The following REELD1 variants were observed in gnomAD, a reference collection of about 807,000 sequenced individuals.
REELD1 encodes reelin domain-containing protein 1.
REELD1 carries 12 observed loss-of-function variants against 6.3 expected under a neutral mutation model. The ratio of observed to expected loss-of-function variants is 1.89; its 90% CI spans 1.21 to 3.07. REELD1 has a LOEUF of 3.07. Among genes scored for constraint, REELD1 ranks in the 30% most tolerant of loss-of-function variants. The pLI is 0.00. For missense variants in REELD1, 163 were observed against 86.8 expected, an observed-to-expected ratio of 1.88 and a Z score of -3.49; for synonymous variants, 57 against 33.6, an observed-to-expected ratio of 1.70 and a Z score of -2.42.
chr4:146,218,759 C>T (rs2110916803), intron 3 of REELD1, among the ~76,000 whole-genome samples: 1 of 152,294 alleles, frequency 6.6e-6, no homozygotes, highest in Non-Finnish European at 1.5e-5. Context: ...GGGCTCCATC[C>T]ACCCTAGAGT....
intron 3 of REELD1, among the ~76,000 whole-genome samples, chr4:146,218,485 A>G (rs1475222150): frequency 6.6e-6 from 1 of 152,192 alleles, no homozygotes; most frequent in Non-Finnish European, 1.5e-5. Flanking sequence ...GATTCTTTTG[A>G]TAGGAACTAA....
chr4:146,224,243 T>C (rs754081652), intron 4 of REELD1, among the ~76,000 whole-genome samples: 1 of 152,248 alleles, frequency 6.6e-6, no homozygotes, highest in African/African-American at 2.4e-5. Context: ...TCTAATTATT[T>C]GCAACTATGG....
At chr4:146,215,531 G>C (rs1340932875) in intron 2 of REELD1, among the ~76,000 whole-genome samples, 1 of 152,062 alleles carries the variant, frequency 6.6e-6, no homozygotes, top group Non-Finnish European at 1.5e-5. Context: ...TGGGAGTGGA[G>C]GACACTTGAT....
rs1731080262 is a variant in REELD1, at chr4:146,229,081, G to A, written c.965G>A (p.Gly322Asp). ...GAAACTTGCCTGTCCTCAGATGGGG[G>A]TGAACAGGTAAGAACCTGAACTGTG... ...SLETCLSSDG[G>D]EQDKTKASNR... is the part of the protein sequence containing the mutation. The change falls in exon 7 of 8, where the codon GGT becomes GAT. Residue 322 changes from glycine to aspartate, a missense_variant. By Grantham distance (94) the Gly-to-Asp change is moderately conservative (BLOSUM62 -1). Transcript: ENST00000623665. 3 of 702,276 alleles carry A rather than the reference G, an allele frequency of 4.3e-6. No individual in the cohort carries two copies. Among genetic ancestry groups the A allele is most frequent in the Middle Eastern group, 2.3e-4 (1 of 4,370 alleles). 43.5% of individuals were successfully genotyped at this position (702,276 alleles called of 1,614,324 possible).
chr4:146,217,101 GCCA>G lies in REELD1; in HGVS notation c.154_156del (p.His52del). On this transcript the variant is annotated inframe_deletion, in exon 3 of 8. Transcript: ENST00000623665. Reference sequence around the variant, plus strand: ...CAAGCCCAGCCTCAGCACCAGGACAGCCACCACATCACCATCCACACCCACAGG... The same window carrying G: ...CAAGCCCAGCCTCAGCACCAGGACAGCCACATCACCATCCACACCCACAGG... The G allele has an allele frequency of 2.5e-6, 1 of 399,870 alleles. No individual in the cohort carries two copies. The allele number at this position is 399,870 out of a possible 1,614,324, so 24.8% of individuals were successfully genotyped here. A position where few individuals can be genotyped will look rare whatever the true frequency, so the allele number is the denominator to read the frequency against.
chr4:146,219,988 G>A (rs1277954264), intron 3 of REELD1, among the ~76,000 whole-genome samples: 5 of 152,292 alleles, frequency 3.3e-5, no homozygotes, highest in Non-Finnish European at 7.4e-5. Flanking sequence ...CTGTCACCCA[G>A]GTTGGAGCGC....
Position 146,230,209 on chromosome 4 carries a change from T to A in REELD1, c.1277T>A (p.Ile426Asn), listed in dbSNP as rs759319744. Reference protein sequence around the residue: ...YPRQTNPRPDIGLEGAQAPLG... With the variant: ...YPRQTNPRPDNGLEGAQAPLG... ...CGGCAGACCAACCCACGGCCTGACA[T>A]TGGGCTAGAGGGAGCCCAGGCCCCT... The change falls in exon 8 of 8, where the codon ATT (isoleucine) becomes AAT (asparagine). Residue 426 changes from isoleucine (I) to asparagine (N), a missense_variant. Transcript: ENST00000623665. The A allele has an allele frequency of 2.5e-6, 1 of 398,808 alleles. No homozygotes were observed. The highest frequency in any genetic ancestry group is 4.4e-6 in the Non-Finnish European group (1 of 226,208). 24.7% of individuals were successfully genotyped at this position (398,808 alleles called of 1,614,324 possible). A position where few individuals can be genotyped will look rare whatever the true frequency, so the allele number is the denominator to read the frequency against.
At chr4:146,218,457 C>A (rs1730863713) in intron 3 of REELD1, among the ~76,000 whole-genome samples, 1 of 152,168 alleles carries the variant, frequency 6.6e-6, no homozygotes, top group African/African-American at 2.4e-5. Flanking sequence ...TTGCCCTAAA[C>A]CCCTCTTGAT....
At chr4:146,215,292 T>A (rs1730803757) in intron 2 of REELD1, 94 bp downstream of exon 2, 1 of 152,262 alleles carries the variant, frequency 6.6e-6, no homozygotes, top group Non-Finnish European at 1.5e-5. Context: ...TGACTGAGAA[T>A]GTGCTTTTAC....
Position 146,230,077 on chromosome 4 carries a change from G to A in REELD1, c.1145G>A (p.Gly382Asp). 5.0e-6 allele frequency: 2 copies of A among 398,822 alleles called. No individual in the cohort carries two copies. Among genetic ancestry groups the A allele is most frequent in the Non-Finnish European group, 8.8e-6 (2 of 226,210 alleles). 24.7% of individuals were successfully genotyped at this position (398,822 alleles called of 1,614,324 possible). A position where few individuals can be genotyped will look rare whatever the true frequency, so the allele number is the denominator to read the frequency against. Residue 382 changes from glycine (G) to aspartate (D), a missense_variant, in exon 8 of 8, where the codon GGT becomes GAT. By Grantham distance (94) the Gly-to-Asp change is moderately conservative. Transcript: ENST00000623665. ...GGCACTTCTGGGCTACCTGCTGCTG[G>A]TGACCAGTCAGAGGCATCCAGGGCC... ...TSGTSGLPAA[G>D]DQSEASRASA...
chr4:146,230,718 T>C lies in REELD1; in HGVS notation c.*205T>C. Reference sequence around the variant, plus strand: ...GCTTTGTTGTCTTAACATCTGTAATTGGGCTTCCTTCTTTCTTTTTGCAAT... The same window carrying C: ...GCTTTGTTGTCTTAACATCTGTAATCGGGCTTCCTTCTTTCTTTTTGCAAT... On this transcript the variant is annotated 3_prime_UTR_variant, in exon 8 of 8. Transcript: ENST00000623665. 1 of 378,544 alleles carries C rather than the reference T, an allele frequency of 2.6e-6. No homozygotes were observed. The allele number at this position is 378,544 out of a possible 1,614,324, so 23.4% of individuals were successfully genotyped here.
chr4:146,228,831 A>G (rs1005139426), intron 6 of REELD1, among the ~76,000 whole-genome samples, 194 bp from the exon 7 acceptor site: 1 of 152,200 alleles, frequency 6.6e-6, no homozygotes, highest in Non-Finnish European at 1.5e-5. Flanking sequence ...ATAATAAGCG[A>G]CAGCATTTGG....
intron 3 of REELD1, among the ~76,000 whole-genome samples, chr4:146,217,654 A>T (rs1210795495): frequency 6.6e-6 from 1 of 152,258 alleles, no homozygotes; most frequent in African/African-American, 2.4e-5. Flanking sequence ...GTATAAGAAG[A>T]CACAAATATT....
At chr4:146,229,254 T>G (rs778580340) in intron 7 of REELD1, among the ~76,000 whole-genome samples, 166 bp downstream of exon 7, 1 of 152,196 alleles carries the variant, frequency 6.6e-6, no homozygotes, top group Non-Finnish European at 1.5e-5. Context: ...TACCTTTCCA[T>G]TATATGCAGT....
chr4:146,231,368 T>C lies in REELD1; in HGVS notation c.*855T>C, dbSNP rs115143236. On this transcript the variant is annotated 3_prime_UTR_variant, in exon 8 of 8. Transcript: ENST00000623665. The stretch of plus-strand genomic sequence containing the variant: ...CCAGCATAGTTTGAAGAACAGTCTT[T>C]ACTTGTCTTTTCAGGGAATATCAGG... 2.8e-3 allele frequency among the ~76,000 whole-genome samples: 434 copies of C among 152,326 alleles called. No individual in the cohort carries two copies. The highest frequency in any genetic ancestry group is 6.8e-3 in the Middle Eastern group (2 of 294).
rs750364724 is a variant in REELD1, at chr4:146,231,480, A to G, written c.*967A>G. Among the ~76,000 whole-genome samples the G allele has an allele frequency of 4.6e-5, 7 of 152,216 alleles. No homozygotes were observed. The highest frequency in any genetic ancestry group is 2.1e-4 in the South Asian group (1 of 4,826). Reference sequence around the variant, plus strand: ...ATTTAACAGTGGCTCCACAGATACTATCTGAGGTCAAAACAACAGATCTGA... The same window carrying G: ...ATTTAACAGTGGCTCCACAGATACTGTCTGAGGTCAAAACAACAGATCTGA... On this transcript the variant is annotated 3_prime_UTR_variant, in exon 8 of 8. Transcript: ENST00000623665.
intron 5 of REELD1, among the ~76,000 whole-genome samples, chr4:146,227,323 T>A (rs1731042946): frequency 6.6e-6 from 1 of 152,206 alleles, no homozygotes; most frequent in Non-Finnish European, 1.5e-5. Context: ...GTTAAAAACA[T>A]TGGAGCAAAG....
In REELD1 at chr4:146,216,903, A is replaced by G. The variant is rs1254028107; in HGVS notation, c.-11-39A>G. The G allele has an allele frequency of 7.5e-6, 3 of 398,224 alleles. No homozygotes were observed. The Admixed American group carries it at 1.3e-4, about 18-fold the overall frequency. 24.7% of individuals were successfully genotyped at this position (398,224 alleles called of 1,614,324 possible). A position where few individuals can be genotyped will look rare whatever the true frequency, so the allele number is the denominator to read the frequency against. On this transcript the variant is annotated intron_variant, in intron 2 of 7. Coordinates refer to ENST00000623665, the MANE Select transcript of REELD1 (RefSeq NM_001354631.1). Reference sequence around the variant, plus strand: ...AGAAGACTTTATGTCGTTTTCCTAAATAACGTCTGGACTGAAGCTGCTGTT... The same window carrying G: ...AGAAGACTTTATGTCGTTTTCCTAAGTAACGTCTGGACTGAAGCTGCTGTT...
At chr4:146,216,401 TG>T (rs1245873733) in intron 2 of REELD1, among the ~76,000 whole-genome samples, 1 of 152,234 alleles carries the variant, frequency 6.6e-6, no homozygotes, top group East Asian at 1.9e-4. Flanking sequence ...ATCAAAGCAT[TG>T]CCAGCTTAAC....
Sources: allele counts gnomAD v4.1 joint callset (sites outside exome capture counted in the v4.1 genomes callset), GRCh38; gene constraint gnomAD v4.1.1; transcripts MANE v1.5; gene names NCBI Gene and HGNC (gene_info 2026-07-23, HGNC 2026-07-21).